Variants in MVB12B observed in about 807,000 individuals in gnomAD.
MVB12B encodes ESCRT-I complex subunit MVB12B.
MVB12B carries 16 observed loss-of-function variants against 41.6 expected under a neutral mutation model. The observed-to-expected ratio is 0.38, with a 90% confidence interval of 0.26 to 0.58. MVB12B has a LOEUF of 0.58. Ranked by LOEUF, MVB12B falls within the 20% of genes least tolerant of loss-of-function variation. The pLI is 0.62. For missense variants in MVB12B, 274 were observed against 380.2 expected (o/e 0.72, Z 2.32); for synonymous variants, 133 against 139.7 (o/e 0.95, Z 0.34).
chr9:126,490,130 C>G (rs902405532), intron 9 of MVB12B, among the ~76,000 whole-genome samples: 2 of 152,178 alleles, frequency 1.3e-5, no homozygotes, highest in African/African-American at 4.8e-5. Context: ...CTGTCTCTGC[C>G]GCTCTTTATT....
At chr9:126,423,930 G>A (rs971991450) in intron 7 of MVB12B, among the ~76,000 whole-genome samples, 9 of 152,206 alleles carry the variant, frequency 5.9e-5, no homozygotes, top group Non-Finnish European at 1.2e-4. Flanking sequence ...TGTGCCCCAG[G>A]CCCTAGCCCT....
In MVB12B at chr9:126,504,108, C is replaced by G. The variant is rs999565787; in HGVS notation, c.*845C>G. 1.1e-4 allele frequency: 16 copies of G among 152,340 alleles called. No individual in the cohort carries two copies. The highest frequency in any genetic ancestry group is 1.0e-3 in the Admixed American group (16 of 15,290). The allele number at this position is 152,340 out of a possible 1,614,324, so 9.4% of individuals were successfully genotyped here. A position where few individuals can be genotyped will look rare whatever the true frequency, so the allele number is the denominator to read the frequency against. ...AGGGACACCCTCTGAGACGTGCTGGCCCCAGGAGGATACAGGCACACGGGC... is the reference window on the plus strand; with the variant it reads ...AGGGACACCCTCTGAGACGTGCTGGGCCCAGGAGGATACAGGCACACGGGC... On this transcript the variant is annotated 3_prime_UTR_variant, in exon 10 of 10. Transcript: ENST00000361171.
rs1167551526 is a variant in MVB12B, at chr9:126,386,464, G to A, written c.313-98G>A. The A allele has an allele frequency of 4.0e-6, 3 of 755,872 alleles. No homozygotes were observed. Among genetic ancestry groups the A allele is most frequent in the Non-Finnish European group, 4.6e-6 (2 of 431,884 alleles). The allele number at this position is 755,872 out of a possible 1,614,324, so 46.8% of individuals were successfully genotyped here. On this transcript the variant is annotated intron_variant, in intron 3 of 9. Transcript: ENST00000361171. This position sits in a 1 kb window ranked among gnomAD's most constrained non-coding sequence, Gnocchi z 4.3. Reference sequence around the variant, plus strand: ...TTAACCTGCTGTCATAAAGCTGCACGAGTCATTGTGTTAAATATGCATCTG... The same window carrying A: ...TTAACCTGCTGTCATAAAGCTGCACAAGTCATTGTGTTAAATATGCATCTG...
intron 6 of MVB12B, chr9:126,396,711 A>AATCTGGTCCTTCTC (rs1831124345): frequency 1.0e-6 from 1 of 985,276 alleles, no homozygotes; most frequent in Admixed American, 6.1e-5. Flanking sequence ...CTATAAAGAC[A>AATCTGGTCCTTCTC]ATCTGGTCCT....
chr9:126,463,539 T>C (rs1833134817), intron 7 of MVB12B, among the ~76,000 whole-genome samples: 1 of 152,230 alleles, frequency 6.6e-6, no homozygotes. Flanking sequence ...GCCGACACTC[T>C]GTGGCAGGTC....
chr9:126,327,021 G>T lies in MVB12B; in HGVS notation c.81+11G>T, dbSNP rs1350489414. On this transcript the variant is annotated intron_variant, in intron 1 of 9. Transcript: ENST00000361171. ...CCCCAGCGGGGAACAGTTAAGTGAG[G>T]CCCGGGCGCCGCGGAGGCTCGGCGG... 2.5e-5 allele frequency: 4 copies of T among 159,384 alleles called. No individual in the cohort carries two copies. The highest frequency in any genetic ancestry group is 5.3e-5 in the Non-Finnish European group (4 of 74,904). 9.9% of individuals were successfully genotyped at this position (159,384 alleles called of 1,614,324 possible).
At chr9:126,420,221 T>A (rs1222454866) in intron 6 of MVB12B, among the ~76,000 whole-genome samples, 1 of 152,256 alleles carries the variant, frequency 6.6e-6, no homozygotes, top group Non-Finnish European at 1.5e-5. Flanking sequence ...CTTTATTCCC[T>A]GCAGCCTGAG....
chr9:126,401,659 C>G (rs1831272089), intron 6 of MVB12B, among the ~76,000 whole-genome samples: 1 of 152,202 alleles, frequency 6.6e-6, no homozygotes, highest in Admixed American at 6.5e-5. Context: ...AAAAATCATG[C>G]CGTGGTGATC....
At chr9:126,394,958 G>A (rs778895485) in intron 5 of MVB12B, among the ~76,000 whole-genome samples, 33 of 152,066 alleles carry the variant, frequency 2.2e-4, no homozygotes, top group Non-Finnish European at 2.4e-4. Context: ...TAGGGGGCGG[G>A]GCTGTGGTGA....
chr9:126,419,458 C>T (rs149317707), intron 6 of MVB12B, among the ~76,000 whole-genome samples: 1,783 of 152,276 alleles, frequency 0.012, 14 homozygotes, highest in Admixed American at 0.021. Flanking sequence ...CACTGGGCCG[C>T]GCATATTGTG....
rs1833623335 is a variant in MVB12B at position 126,486,583 on chromosome 9, A to G, written c.873+2551A>G. Among the ~76,000 whole-genome samples, 1 of 152,154 alleles carries G rather than the reference A, an allele frequency of 6.6e-6. No homozygotes were observed. Among genetic ancestry groups the G allele is most frequent in the Non-Finnish European group, 1.5e-5 (1 of 68,006 alleles). On this transcript the variant is annotated intron_variant, in intron 9 of 9. Coordinates refer to ENST00000361171, the MANE Select transcript of MVB12B (RefSeq NM_033446.3). This position sits in a 1 kb window ranked among gnomAD's most constrained non-coding sequence, Gnocchi z 4.7. Reference sequence around the variant, plus strand: ...GCAGCAGCGGCCTCAGCGTCGAGCCATCTCCCCTCCCGTTCTGCTCCGGCC... The same window carrying G: ...GCAGCAGCGGCCTCAGCGTCGAGCCGTCTCCCCTCCCGTTCTGCTCCGGCC...
In MVB12B at chr9:126,468,210, A is replaced by C. The variant is rs142277285; in HGVS notation, c.758-13159A>C. On this transcript the variant is annotated intron_variant, in intron 7 of 9. Coordinates refer to ENST00000361171, the MANE Select transcript of MVB12B (RefSeq NM_033446.3). The surrounding 1 kb of genome is among the most constrained non-coding windows in gnomAD (Gnocchi z 4.3). ...GTTCCAGAATATTTCATCTTCTCTC[A>C]TGGTCTCAATTATCACCATGCTGGT... Among the ~76,000 whole-genome samples the C allele has an allele frequency of 1.3e-5, 2 of 152,186 alleles. No homozygotes were observed. Among genetic ancestry groups the C allele is most frequent in the African/African-American group, 4.8e-5 (2 of 41,514 alleles).
chr9:126,470,786 G>A (rs906138704), intron 7 of MVB12B, among the ~76,000 whole-genome samples: 1 of 152,080 alleles, frequency 6.6e-6, no homozygotes, highest in Non-Finnish European at 1.5e-5. Flanking sequence ...CATTGCTTCC[G>A]TCCCACCAAA....
rs906498677 is a variant in MVB12B at position 126,480,033 on chromosome 9, G to A, written c.758-1336G>A. Among the ~76,000 whole-genome samples, 6 of 152,198 alleles carry A rather than the reference G, an allele frequency of 3.9e-5. No individual in the cohort carries two copies. On this transcript the variant is annotated intron_variant, in intron 7 of 9. Transcript: ENST00000361171. This position sits in a 1 kb window ranked among gnomAD's most constrained non-coding sequence, Gnocchi z 4.9. Reference sequence around the variant, plus strand: ...TATGACCACTGAAGGTTCCAGAGAAGTCATCATTCCAGGAGACACTGGGGG... The same window carrying A: ...TATGACCACTGAAGGTTCCAGAGAAATCATCATTCCAGGAGACACTGGGGG...
intron 2 of MVB12B, among the ~76,000 whole-genome samples, chr9:126,368,530 TA>T (rs1173836784): frequency 6.6e-6 from 1 of 152,018 alleles, no homozygotes; most frequent in African/African-American, 2.4e-5. Context: ...TAAAATTTTT[TA>T]AAAAAAATCA....
At chr9:126,446,688 A>C (rs1038664465) in intron 7 of MVB12B, among the ~76,000 whole-genome samples, 1 of 151,752 alleles carries the variant, frequency 6.6e-6, no homozygotes. Flanking sequence ...TAGCAATTTC[A>C]CCTAAATTTC....
intron 2 of MVB12B, among the ~76,000 whole-genome samples, chr9:126,371,178 A>ACCAG (rs1830326597): frequency 6.6e-6 from 1 of 152,136 alleles, no homozygotes; most frequent in African/African-American, 2.4e-5. Flanking sequence ...CTGGGTGCCG[A>ACCAG]CCAGCCGCAA....
At chr9:126,408,200 C>T (rs1330600858) in intron 6 of MVB12B, 2 of 152,132 alleles carry the variant, frequency 1.3e-5, no homozygotes, top group South Asian at 2.1e-4. Flanking sequence ...ATTTTGCCGT[C>T]GCCATGGTTG....
intron 5 of MVB12B, among the ~76,000 whole-genome samples, chr9:126,394,374 C>T (rs1831045696): frequency 6.6e-6 from 1 of 152,106 alleles, no homozygotes; most frequent in African/African-American, 2.4e-5. Flanking sequence ...AGATATGTAC[C>T]AGTATGTACC....
Sources: allele counts gnomAD v4.1 joint callset (sites outside exome capture counted in the v4.1 genomes callset), GRCh38; gene constraint gnomAD v4.1.1; non-coding constraint Gnocchi (gnomAD v3.1); transcripts MANE v1.5; gene names NCBI Gene and HGNC (gene_info 2026-07-23, HGNC 2026-07-21).